NFATC3: variants seen among roughly 807,000 people sequenced by gnomAD.
NFATC3 encodes nuclear factor of activated T cells 3, also known as nuclear factor of activated T-cells, cytoplasmic 3.
Under a neutral mutation model 98.6 loss-of-function variants are expected in NFATC3, and 46 were observed. The ratio of observed to expected loss-of-function variants is 0.47; its 90% CI spans 0.37 to 0.60. NFATC3 has a LOEUF of 0.60. Ranked by LOEUF, NFATC3 falls within the 20% of genes least tolerant of loss-of-function variation. NFATC3 has a pLI of 0.00. For missense variants in NFATC3, 1,256 were observed against 1,295.5 expected (o/e 0.97, Z 0.47); for synonymous variants, 512 against 472.2 (o/e 1.08, Z -1.09).
At chr16:68,129,046 G>C (rs7197126) in intron 3 of NFATC3, among the ~76,000 whole-genome samples, 1 of 151,648 alleles carries the variant, frequency 6.6e-6, no homozygotes, top group East Asian at 1.9e-4. Flanking sequence ...TGTGAGCTAC[G>C]ATTGTGCCAC....
At chr16:68,223,730 A>G (rs2041945920) in intron 9 of NFATC3, among the ~76,000 whole-genome samples, 1 of 151,744 alleles carries the variant, frequency 6.6e-6, no homozygotes, top group Non-Finnish European at 1.5e-5. Flanking sequence ...CCCTGTCTCT[A>G]CTAAAAATAC....
In NFATC3 at chr16:68,226,164, A is replaced by G. The variant is rs1398968830; in HGVS notation, c.3107-186A>G. ...CTGAATGAGAGAGAAAAAGAGGTCCAGAGTAGTTTGTGGAGCGATGTTTCC... is the reference window on the plus strand; with the variant it reads ...CTGAATGAGAGAGAAAAAGAGGTCCGGAGTAGTTTGTGGAGCGATGTTTCC... On this transcript the variant is annotated intron_variant, in intron 9 of 9. Coordinates refer to ENST00000346183, the MANE Select transcript of NFATC3 (RefSeq NM_173165.3). 1.4e-5 allele frequency: 8 copies of G among 571,614 alleles called. No individual in the cohort carries two copies. The East Asian group carries it at 2.5e-4, about 18-fold the overall frequency. 35.4% of individuals were successfully genotyped at this position (571,614 alleles called of 1,614,324 possible). A position where few individuals can be genotyped will look rare whatever the true frequency, so the allele number is the denominator to read the frequency against.
chr16:68,085,661 G>T lies in NFATC3; in HGVS notation c.-21G>T. The T allele has an allele frequency of 6.7e-7, 1 of 1,500,318 alleles. No individual in the cohort carries two copies. Among genetic ancestry groups the T allele is most frequent in the Non-Finnish European group, 8.9e-7 (1 of 1,127,192 alleles). The allele number at this position is 1,500,318 out of a possible 1,614,324, so 92.9% of individuals were successfully genotyped here. ...CGCCGCCGCCGCCTGAGGAGGAGCT[G>T]CAGCACCCTGGGCCACGCCGATGAC... On this transcript the variant is annotated 5_prime_UTR_variant, in exon 1 of 10. Transcript: ENST00000346183.
At chr16:68,199,150 AG>A (rs1422309390) in intron 9 of NFATC3, among the ~76,000 whole-genome samples, 1 of 151,766 alleles carries the variant, frequency 6.6e-6, no homozygotes, top group Non-Finnish European at 1.5e-5. Flanking sequence ...CAGGAGGCGG[AG>A]GTTACAGTGA....
In NFATC3 at chr16:68,090,328, C is replaced by T. The variant is rs1020238523; in HGVS notation, c.103+4544C>T. The stretch of plus-strand genomic sequence containing the variant: ...CCCCCAACATTTCTTTAAAAACACA[C>T]ACACACACACACGCACACACACACG... On this transcript the variant is annotated intron_variant, in intron 1 of 9. Transcript: ENST00000346183. Among the ~76,000 whole-genome samples, 6 of 116,498 alleles carry T rather than the reference C, an allele frequency of 5.2e-5. No homozygotes were observed. The East Asian group carries it at 1.7e-3, about 32-fold the overall frequency. The allele number at this position is 116,498 out of a possible 152,430, so 76.4% of individuals were successfully genotyped here.
At chr16:68,131,501 C>T (rs954199271) in intron 3 of NFATC3, among the ~76,000 whole-genome samples, 1 of 152,142 alleles carries the variant, frequency 6.6e-6, no homozygotes, top group African/African-American at 2.4e-5. Context: ...TGGTCTCGAA[C>T]TCCTGACCTC....
chr16:68,181,498 G>C lies in NFATC3; in HGVS notation c.1939G>C (p.Glu647Gln). ...GQDGRPQWEVEGKIIREKCQG... is the reference protein window; with the variant it reads ...GQDGRPQWEVQGKIIREKCQG... ...AGATGGACGACCTCAGTGGGAGGTA[G>C]AAGGGAAGATAATCAGGGAAAAATG... Residue 647 changes from glutamate (E) to glutamine (Q), a missense_variant, in exon 7 of 10, where the codon GAA becomes CAA. By Grantham distance (29) the Glu-to-Gln change is conservative. This residue lies in a region of NFATC3 where 636 missense variants were observed against 617.3 expected (regional missense o/e 1.03). Transcript: ENST00000346183. The C allele has an allele frequency of 6.2e-7, 1 of 1,611,852 alleles. No homozygotes were observed.
chr16:68,215,038 A>G (rs1012450063), intron 9 of NFATC3, among the ~76,000 whole-genome samples: 5 of 152,216 alleles, frequency 3.3e-5, no homozygotes, highest in Non-Finnish European at 5.9e-5. Context: ...TTCAAATACT[A>G]TGAAAGCCAC....
chr16:68,199,558 TATTCTC>T (rs2040826581), intron 9 of NFATC3, among the ~76,000 whole-genome samples: 1 of 147,568 alleles, frequency 6.8e-6, no homozygotes, highest in South Asian at 2.2e-4. Flanking sequence ...AAAAAAGTAT[TATTCTC>T]AGTATTAGAT....
chr16:68,115,790 TTA>T (rs769459360), intron 1 of NFATC3, among the ~76,000 whole-genome samples: 51 of 152,248 alleles, frequency 3.3e-4, no homozygotes, highest in Non-Finnish European at 4.6e-4. Context: ...GTTGGGAGTA[TTA>T]TGATGAATGC....
intron 9 of NFATC3, among the ~76,000 whole-genome samples, chr16:68,201,380 C>T (rs535715096): frequency 1.3e-5 from 2 of 152,144 alleles, no homozygotes; most frequent in South Asian, 4.2e-4. Context: ...TACAGGCACA[C>T]ACCACAGTGC....
At chr16:68,104,961 T>C (rs887318802) in intron 1 of NFATC3, among the ~76,000 whole-genome samples, 2 of 152,096 alleles carry the variant, frequency 1.3e-5, no homozygotes, top group Non-Finnish European at 2.9e-5. Context: ...GCCTCACAAA[T>C]GCTCTTGATC....
intron 1 of NFATC3, 114 bp downstream of exon 1, chr16:68,085,898 G>T (rs182812607): frequency 8.0e-6 from 6 of 747,608 alleles, no homozygotes; most frequent in Admixed American, 4.3e-5. Flanking sequence ...GTGTGTGTGT[G>T]TGCGCGCGCG....
At position 68,085,505 on chromosome 16, in the gene NFATC3, C is replaced by T. The variant is rs1598326459; in HGVS notation, c.-177C>T. ...GTTCCTGGTGCTGCTCGGCGCGCGG[C>T]CAGCTTTCGGAACGGAACGCTCGGC... On this transcript the variant is annotated 5_prime_UTR_variant, in exon 1 of 10. Coordinates refer to ENST00000346183, the MANE Select transcript of NFATC3 (RefSeq NM_173165.3). 5.7e-6 allele frequency: 3 copies of T among 527,964 alleles called. No individual in the cohort carries two copies. In the East Asian group the frequency reaches 1.1e-4, roughly 19 times the overall value. The allele number at this position is 527,964 out of a possible 1,614,324, so 32.7% of individuals were successfully genotyped here.
intron 3 of NFATC3, among the ~76,000 whole-genome samples, chr16:68,128,837 G>T (rs2036976593): frequency 1.3e-5 from 2 of 151,954 alleles, no homozygotes; most frequent in African/African-American, 4.8e-5. Context: ...AGCAGAACTG[G>T]TGCTGTAGCT....
intron 6 of NFATC3, among the ~76,000 whole-genome samples, chr16:68,176,350 CTTTT>C (rs534346720): frequency 6.9e-6 from 1 of 143,890 alleles, no homozygotes; most frequent in African/African-American, 2.5e-5. Flanking sequence ...TGCTCAACAT[CTTTT>C]TTTTTTTTTT....
In NFATC3 at chr16:68,183,355, C is replaced by G; in HGVS notation, c.2087C>G (p.Thr696Ser). Residue 696 changes from threonine (T) to serine (S), a missense_variant, in exon 8 of 10, where the codon ACT (threonine) becomes AGT (serine). Thr to Ser is a moderately conservative substitution (Grantham distance 58, BLOSUM62 1). Transcript: ENST00000346183. Reference protein sequence around the residue: ...KRKKSQSQRFTYTPVLMKQEH... With the variant: ...KRKKSQSQRFSYTPVLMKQEH... ...AAAAAAAGCCAGTCTCAACGTTTTA[C>G]TTATACACCAGGTACGAGGAGTCAT... 6.2e-7 allele frequency: 1 copy of G among 1,612,922 alleles called. No individual in the cohort carries two copies. Among genetic ancestry groups the G allele is most frequent in the Non-Finnish European group, 8.5e-7 (1 of 1,179,986 alleles).
At chr16:68,184,964 T>A (rs2040118885) in intron 8 of NFATC3, among the ~76,000 whole-genome samples, 1 of 152,066 alleles carries the variant, frequency 6.6e-6, no homozygotes, top group Non-Finnish European at 1.5e-5. Flanking sequence ...TAATTAATTC[T>A]ATAATTAGGG....
chr16:68,221,347 A>G (rs2041857679), intron 9 of NFATC3: 1 of 1,597,100 alleles, frequency 6.3e-7, no homozygotes, highest in Admixed American at 1.8e-5. Flanking sequence ...AAAGCAGAGG[A>G]CTTGCATGAT....
Sources: gnomAD v4.1 joint callset for allele counts (sites outside exome capture counted in the v4.1 genomes callset) on GRCh38, gnomAD v4.1.1 for gene constraint, gnomAD v4.1.1 regional missense constraint, MANE v1.5 for transcripts, NCBI Gene and HGNC (gene_info 2026-07-23, HGNC 2026-07-21) for gene names.